The following ROBO1 variants were observed in gnomAD, a reference collection of about 807,000 sequenced individuals.
ROBO1 encodes the protein roundabout guidance receptor 1.
Under a neutral mutation model 195.9 loss-of-function variants are expected in ROBO1, and 149 were observed. The observed-to-expected ratio is 0.76, with a 90% CI of 0.67 to 0.87. ROBO1 has a LOEUF of 0.87. ROBO1 is among the 40% of genes least tolerant of loss of function. ROBO1 has a pLI of 0.00. For missense variants in ROBO1, 1,933 were observed against 2,068.3 expected (o/e 0.93, Z 1.27); for synonymous variants, 816 against 733.2 (o/e 1.11, Z -1.82).
rs1032250819 is a variant in ROBO1 at position 79,675,758 on chromosome 3, T to C, written c.-50-85797A>G. Among the ~76,000 whole-genome samples, 8 of 152,086 alleles carry C rather than the reference T, an allele frequency of 5.3e-5. No homozygotes were observed. The East Asian group carries it at 1.5e-3, about 29-fold the overall frequency. On this transcript the variant is annotated intron_variant, in intron 1 of 30. Transcript: ENST00000464233. ...AGATATCAATCCATAAAATATTTACTAAATCTTTTTGATGCTTATGAAATT... is the reference window on the plus strand; with the variant it reads ...AGATATCAATCCATAAAATATTTACCAAATCTTTTTGATGCTTATGAAATT...
chr3:78,806,936 T>C (rs769326826), intron 4 of ROBO1, among the ~76,000 whole-genome samples: 3 of 151,946 alleles, frequency 2.0e-5, no homozygotes, highest in Non-Finnish European at 4.4e-5. Context: ...GCCTCCCAAG[T>C]GGCTAGGATT....
chr3:79,480,565 G>T (rs1482413811), intron 2 of ROBO1, among the ~76,000 whole-genome samples: 1 of 151,966 alleles, frequency 6.6e-6, no homozygotes, highest in African/African-American at 2.4e-5. Flanking sequence ...GTTTAATATT[G>T]CTCTAATTTT....
At chr3:79,354,956 A>G (rs779733671) in intron 2 of ROBO1, among the ~76,000 whole-genome samples, 39 of 152,142 alleles carry the variant, frequency 2.6e-4, no homozygotes, top group Admixed American at 9.8e-4. Flanking sequence ...TCACGAGGTC[A>G]GGAGTTCAAG....
intron 4 of ROBO1, among the ~76,000 whole-genome samples, chr3:78,823,930 C>A (rs766158770): frequency 2.6e-5 from 4 of 151,584 alleles, no homozygotes; most frequent in Non-Finnish European, 4.4e-5. Context: ...TGTGTGTGTA[C>A]CTTATGAATA....
intron 5 of ROBO1, 106 bp downstream of exon 5, chr3:78,746,637 C>T (rs2082663741): frequency 3.1e-6 from 3 of 954,380 alleles, no homozygotes; most frequent in South Asian, 7.5e-5. Context: ...GGAGCTGACG[C>T]AAGCCTTTAT....
intron 3 of ROBO1, among the ~76,000 whole-genome samples, chr3:79,054,879 A>C (rs2078773703): frequency 1.3e-5 from 2 of 152,178 alleles, no homozygotes; most frequent in South Asian, 4.1e-4. Context: ...TTGCGTTTCC[A>C]CTTCAGGCGG....
intron 4 of ROBO1, among the ~76,000 whole-genome samples, chr3:78,903,600 T>A (rs534920369): frequency 6.6e-6 from 1 of 151,828 alleles, no homozygotes; most frequent in Non-Finnish European, 1.5e-5. Flanking sequence ...CTCCTGATAT[T>A]AGAATTCAGC....
At chr3:79,071,286 A>ATTGCCCCT (rs2079084022) in intron 3 of ROBO1, among the ~76,000 whole-genome samples, 1 of 151,690 alleles carries the variant, frequency 6.6e-6, no homozygotes. Flanking sequence ...AAACATATGT[A>ATTGCCCCT]TTTCATTCTC....
chr3:78,815,515 C>G (rs1049849187), intron 4 of ROBO1, among the ~76,000 whole-genome samples: 2 of 152,114 alleles, frequency 1.3e-5, no homozygotes, highest in Non-Finnish European at 2.9e-5. Flanking sequence ...CCAATTGTCT[C>G]CCATTCTATG....
chr3:79,634,168 T>C (rs900017755), intron 1 of ROBO1, among the ~76,000 whole-genome samples: 1 of 152,144 alleles, frequency 6.6e-6, no homozygotes, highest in African/African-American at 2.4e-5. Context: ...ATACTATCTG[T>C]CCCTCTTTGC....
chr3:78,844,788 T>G (rs1323029978), intron 4 of ROBO1, among the ~76,000 whole-genome samples: 1 of 152,118 alleles, frequency 6.6e-6, no homozygotes, highest in East Asian at 1.9e-4. Flanking sequence ...ATATGGACGT[T>G]AGGATGGCCT....
intron 21 of ROBO1, among the ~76,000 whole-genome samples, chr3:78,641,633 G>A (rs1705961558): frequency 1.3e-5 from 2 of 152,050 alleles, no homozygotes; most frequent in African/African-American, 2.4e-5. Flanking sequence ...AACTATGAAT[G>A]TTATCACTGT....
At chr3:79,528,503 G>T (rs1174820569) in intron 2 of ROBO1, among the ~76,000 whole-genome samples, 2 of 152,120 alleles carry the variant, frequency 1.3e-5, no homozygotes, top group Non-Finnish European at 2.9e-5. Context: ...ACAAATATAT[G>T]TGATTTTATC....
intron 10 of ROBO1, among the ~76,000 whole-genome samples, chr3:78,681,615 G>A (rs898268020): frequency 2.6e-5 from 4 of 152,134 alleles, no homozygotes; most frequent in African/African-American, 7.2e-5. Flanking sequence ...GACTTAAGAC[G>A]GAGAAGCAGC....
chr3:79,655,384 C>A (rs919401697), intron 1 of ROBO1, among the ~76,000 whole-genome samples: 1 of 151,902 alleles, frequency 6.6e-6, no homozygotes, highest in Non-Finnish European at 1.5e-5. Flanking sequence ...ATTTCTGATA[C>A]AGGAAATACA....
At chr3:78,996,140 T>C (rs1465708520) in intron 3 of ROBO1, among the ~76,000 whole-genome samples, 3 of 151,950 alleles carry the variant, frequency 2.0e-5, no homozygotes, top group Non-Finnish European at 2.9e-5. Context: ...GTGAAATAAA[T>C]CAAATACCTC....
chr3:78,985,255 G>A (rs997479284), intron 3 of ROBO1, among the ~76,000 whole-genome samples: 2 of 152,092 alleles, frequency 1.3e-5, no homozygotes, highest in African/African-American at 2.4e-5. Flanking sequence ...AGCAGTGATT[G>A]CACCATCGCA....
At chr3:78,963,111 T>TA (rs1560055554) in intron 3 of ROBO1, among the ~76,000 whole-genome samples, 18 of 143,686 alleles carry the variant, frequency 1.3e-4, no homozygotes, top group Middle Eastern at 3.6e-3. Flanking sequence ...ATATATATAT[T>TA]ACCTTGCAAT....
At chr3:78,706,552 G>A (rs896175003) in intron 8 of ROBO1, among the ~76,000 whole-genome samples, 1 of 151,940 alleles carries the variant, frequency 6.6e-6, no homozygotes, top group Non-Finnish European at 1.5e-5. Flanking sequence ...GTGTTGCTTA[G>A]GCTGGTCTCG....
Sources: gnomAD v4.1 joint callset for allele counts (sites outside exome capture counted in the v4.1 genomes callset) on GRCh38, gnomAD v4.1.1 for gene constraint, MANE v1.5 for transcripts, NCBI Gene and HGNC (gene_info 2026-07-23, HGNC 2026-07-21) for gene names.